The following CSMD2 variants were observed in gnomAD, a reference collection of about 807,000 sequenced individuals.
CSMD2 encodes the protein CUB and Sushi multiple domains 2, also known as CUB and sushi domain-containing protein 2.
In CSMD2, 130 loss-of-function variants were observed where a neutral mutation model predicts 398.5. That is an observed-to-expected ratio of 0.33 (90% CI 0.28 to 0.38). CSMD2 has a LOEUF of 0.38. CSMD2 is among the 10% of genes least tolerant of loss of function. The pLI is 1.00. For synonymous variants in CSMD2, 1,828 were observed against 1,908.5 expected (o/e 0.96, Z 1.10); for missense variants, 3,829 against 4,764.9 (o/e 0.80, Z 5.78).
intron 44 of CSMD2, among the ~76,000 whole-genome samples, chr1:33,594,419 T>C (rs1639700705): frequency 6.6e-6 from 1 of 152,232 alleles, no homozygotes; most frequent in Non-Finnish European, 1.5e-5. Flanking sequence ...TTTTGGTTCA[T>C]TTAAGGTAAC....
In CSMD2 at chr1:33,519,427, C is replaced by T; in HGVS notation, c.*53+38G>A. ...TGGCACGCATAGGTCCCTGTCTGTG[C>T]TTGTCATGGCCTGTCTTCCTCCCAC... On this transcript the variant is annotated intron_variant, in intron 70 of 70. Transcript: ENST00000373381. The surrounding 1 kb of genome is among the most constrained non-coding windows in gnomAD (Gnocchi z 5.6). 2 of 1,349,922 alleles carry T rather than the reference C, an allele frequency of 1.5e-6. No homozygotes were observed. Among genetic ancestry groups the T allele is most frequent in the Non-Finnish European group, 2.1e-6 (2 of 960,484 alleles). 83.6% of individuals were successfully genotyped at this position (1,349,922 alleles called of 1,614,324 possible).
intron 3 of CSMD2, among the ~76,000 whole-genome samples, chr1:34,001,857 ACCT>A (rs1275262165): frequency 6.6e-6 from 1 of 152,186 alleles, no homozygotes; most frequent in Non-Finnish European, 1.5e-5. Context: ...ACATGCGCTA[ACCT>A]CCTCCTCTTC....
rs563305306 is a variant in CSMD2 at position 33,905,320 on chromosome 1, G to A, written c.920+12774C>T. ...GCTGGACAGAGAGTGGACGTTGGAAGAAACAGCAAAACAGACTAAGAAGGA... is the reference window on the plus strand; with the variant it reads ...GCTGGACAGAGAGTGGACGTTGGAAAAAACAGCAAAACAGACTAAGAAGGA... On this transcript the variant is annotated intron_variant, in intron 5 of 70. Coordinates refer to ENST00000373381, the MANE Select transcript of CSMD2 (RefSeq NM_001281956.2). Among the ~76,000 whole-genome samples, 5 of 152,306 alleles carry A rather than the reference G, an allele frequency of 3.3e-5. No homozygotes were observed. The East Asian group carries it at 7.7e-4, about 24-fold the overall frequency.
intron 44 of CSMD2, among the ~76,000 whole-genome samples, chr1:33,597,419 G>A (rs531439240): frequency 6.6e-6 from 1 of 152,162 alleles, no homozygotes; most frequent in East Asian, 1.9e-4. Flanking sequence ...TGTCCTCTTG[G>A]TTACTCATTA....
At chr1:33,570,716 T>C (rs899950295) in intron 51 of CSMD2, among the ~76,000 whole-genome samples, 1 of 152,198 alleles carries the variant, frequency 6.6e-6, no homozygotes, top group African/African-American at 2.4e-5. Context: ...TTCAGATTGC[T>C]GTGGTTGAGG....
chr1:33,829,022 G>A (rs776480992), intron 6 of CSMD2, among the ~76,000 whole-genome samples: 2 of 152,220 alleles, frequency 1.3e-5, no homozygotes, highest in African/African-American at 4.8e-5. Context: ...GGTGATTACC[G>A]CTTTGAGCTA....
At chr1:33,546,360 T>TGTGCAG in intron 56 of CSMD2, 141 bp from the exon 57 acceptor site, 1 of 748,238 alleles carries the variant, frequency 1.3e-6, no homozygotes, top group Non-Finnish European at 2.1e-6. Flanking sequence ...TACCTGCACA[T>TGTGCAG]GCTCCTGCCT....
intron 53 of CSMD2, among the ~76,000 whole-genome samples, chr1:33,565,563 G>C (rs570137359): frequency 2.2e-4 from 33 of 151,956 alleles, no homozygotes; most frequent in Non-Finnish European, 2.9e-4. Context: ...ACTGACAGAA[G>C]AGGGTACTAC....
At chr1:33,783,747 T>C (rs1038165884) in intron 12 of CSMD2, among the ~76,000 whole-genome samples, 3 of 152,176 alleles carry the variant, frequency 2.0e-5, no homozygotes, top group Admixed American at 1.3e-4. Context: ...CCTTCTGTTA[T>C]GGGGTGCTCT....
At chr1:34,054,295 G>A (rs1452538198) in intron 2 of CSMD2, among the ~76,000 whole-genome samples, 1 of 152,110 alleles carries the variant, frequency 6.6e-6, no homozygotes, top group African/African-American at 2.4e-5. Flanking sequence ...TGACTAGTAC[G>A]AAGCCAGCAG....
At chr1:33,534,123 T>C (rs940581915) in intron 62 of CSMD2, among the ~76,000 whole-genome samples, 1 of 152,218 alleles carries the variant, frequency 6.6e-6, no homozygotes, top group African/African-American at 2.4e-5. Context: ...AACAAAGTTG[T>C]AATATTACAC....
At chr1:33,865,706 G>A (rs1011587562) in intron 5 of CSMD2, among the ~76,000 whole-genome samples, 3 of 152,180 alleles carry the variant, frequency 2.0e-5, no homozygotes, top group Admixed American at 6.5e-5. Flanking sequence ...GAAGGAGGCC[G>A]AGATGCTAGA....
Position 33,515,664 on chromosome 1 carries a change from T to G in CSMD2, c.*960A>C, listed in dbSNP as rs1653698315. On this transcript the variant is annotated 3_prime_UTR_variant, in exon 71 of 71. Coordinates refer to ENST00000373381, the MANE Select transcript of CSMD2 (RefSeq NM_001281956.2). ...TGTCAGGCACAGAGAATAACCCCAG[T>G]ACATGATAGCCATTGTTTTTTGGGT... 6.6e-6 allele frequency: 1 copy of G among 152,240 alleles called. No individual in the cohort carries two copies. The highest frequency in any genetic ancestry group is 2.4e-5 in the African/African-American group (1 of 41,462). 9.4% of individuals were successfully genotyped at this position (152,240 alleles called of 1,614,324 possible). A position where few individuals can be genotyped will look rare whatever the true frequency, so the allele number is the denominator to read the frequency against.
At position 33,543,920 on chromosome 1, in the gene CSMD2, C is replaced by T. The variant is rs536606387; in HGVS notation, c.9101-1024G>A. ...GTGTTTATTTAAGAATCATTTTGAACTCATGGATCTAAAGATATTTTTTAT... is the reference window on the plus strand; with the variant it reads ...GTGTTTATTTAAGAATCATTTTGAATTCATGGATCTAAAGATATTTTTTAT... On this transcript the variant is annotated intron_variant, in intron 57 of 70. Transcript: ENST00000373381. Among the ~76,000 whole-genome samples the T allele has an allele frequency of 2.0e-5, 3 of 152,200 alleles. No homozygotes were observed. The South Asian group carries it at 6.2e-4, about 32-fold the overall frequency.
intron 3 of CSMD2, among the ~76,000 whole-genome samples, chr1:34,022,434 G>C (rs2148116923): frequency 6.6e-6 from 1 of 152,312 alleles, no homozygotes; most frequent in South Asian, 2.1e-4. Context: ...CCTGAGCTCT[G>C]ACTTCAGTGC....
chr1:34,062,434 A>G (rs1167191844), intron 2 of CSMD2, among the ~76,000 whole-genome samples: 1 of 152,238 alleles, frequency 6.6e-6, no homozygotes, highest in East Asian at 1.9e-4. Context: ...TGGATGCCTT[A>G]AAACAGACAA....
chr1:33,658,035 G>C lies in CSMD2; in HGVS notation c.4358C>G (p.Pro1453Arg), dbSNP rs765429380. The C allele has an allele frequency of 6.2e-7, 1 of 1,614,214 alleles. No individual in the cohort carries two copies. Among genetic ancestry groups the C allele is most frequent in the South Asian group, 1.1e-5 (1 of 91,086 alleles). Residue 1453 changes from proline to arginine, a missense_variant, in exon 27 of 71, where the codon CCT (proline) becomes CGT (arginine). Transcript: ENST00000373381. ...AGDSTVFQCD[P>R]GYALQGSAEI... ...TGCACTTCCCTGCAGCGCGTAGCCA[G>C]GGTCACACTGGAACACTGTGGAGTC...
chr1:33,521,710 CG>C (rs1654318967), intron 67 of CSMD2, among the ~76,000 whole-genome samples, 160 bp from the exon 68 acceptor site: 1 of 152,078 alleles, frequency 6.6e-6, no homozygotes, highest in Non-Finnish European at 1.5e-5. Context: ...TGGGTGTGAC[CG>C]GGGAGCCCGG....
rs759352642 is a variant in CSMD2 at position 33,714,607 on chromosome 1, G to A, written c.3386C>T (p.Ser1129Leu). 2.1e-5 allele frequency: 34 copies of A among 1,613,740 alleles called. No homozygotes were observed. The highest frequency in any genetic ancestry group is 4.0e-5 in the African/African-American group (3 of 74,942). The change falls in exon 21 of 71, where the codon TCG becomes TTG. Residue 1129 changes from serine to leucine, a missense_variant. By Grantham distance (145) the Ser-to-Leu change is moderately radical. Coordinates refer to ENST00000373381, the MANE Select transcript of CSMD2 (RefSeq NM_001281956.2). ...CCTACCAACACACCTTGGCAGAGGC[G>A]AGCTCCACAGGCGCCGTCTGCCCCC... Reference protein sequence around the residue: ...CLGGRRRLWSSPLPRCVAECG... With the variant: ...CLGGRRRLWSLPLPRCVAECG...
Sources: allele counts gnomAD v4.1 joint callset (sites outside exome capture counted in the v4.1 genomes callset), GRCh38; gene constraint gnomAD v4.1.1; non-coding constraint Gnocchi (gnomAD v3.1); transcripts MANE v1.5; gene names NCBI Gene and HGNC (gene_info 2026-07-23, HGNC 2026-07-21).